AOX1: variants seen among roughly 807,000 people sequenced by gnomAD.
The protein encoded by AOX1 is aldehyde oxidase.
Under a neutral mutation model 169.5 loss-of-function variants are expected in AOX1, and 153 were observed. That is an observed-to-expected ratio of 0.90 (90% CI 0.79 to 1.03). The LOEUF (loss-of-function observed/expected upper bound fraction) is 1.03. Ranked by LOEUF, AOX1 falls within the 50% of genes least tolerant of loss-of-function variation. AOX1 has a pLI of 0.00. For synonymous variants in AOX1, 562 were observed against 581.9 expected (o/e 0.97, Z 0.49); for missense variants, 1,656 against 1,663.9 (o/e 1.00, Z 0.08).
In AOX1 at chr2:200,597,413, G is replaced by A; in HGVS notation, c.217G>A (p.Ala73Thr). Residue 73 changes from alanine to threonine, a missense_variant, in exon 4 of 35, where the codon GCC becomes ACC. Ala to Thr is a moderately conservative substitution (Grantham distance 58). Transcript: ENST00000374700. ...ATTCTGAAGGCATCACCCAGCCAATGCCTGTCTGATTCCCATCTGTTCTCT... is the reference window on the plus strand; with the variant it reads ...ATTCTGAAGGCATCACCCAGCCAATACCTGTCTGATTCCCATCTGTTCTCT... ...TKRIRHHPAN[A>T]CLIPICSLYG... The A allele has an allele frequency of 6.2e-7, 1 of 1,608,262 alleles. No individual in the cohort carries two copies. The highest frequency in any genetic ancestry group is 8.5e-7 in the Non-Finnish European group (1 of 1,177,296).
chr2:200,598,152 GGGAA>G (rs908771969), intron 4 of AOX1, among the ~76,000 whole-genome samples: 1 of 151,600 alleles, frequency 6.6e-6, no homozygotes, highest in African/African-American at 2.4e-5. Flanking sequence ...GAGGAAGGGA[GGGAA>G]GGAAGGAAGG....
At chr2:200,640,338 C>T (rs1042133213) in intron 23 of AOX1, among the ~76,000 whole-genome samples, 1 of 152,090 alleles carries the variant, frequency 6.6e-6, no homozygotes, top group Admixed American at 6.6e-5. Context: ...TAATTAAACA[C>T]AGATGCTTTG....
At chr2:200,612,841 C>G (rs747473764) in intron 14 of AOX1, 48 bp downstream of exon 14, 2 of 1,511,550 alleles carry the variant, frequency 1.3e-6, no homozygotes, top group Admixed American at 4.2e-5. Flanking sequence ...CCTTAGACTC[C>G]AAGTATTAGA....
At chr2:200,675,163 G>A (rs11683915), downstream of AOX1, among the ~76,000 whole-genome samples, 69,171 of 151,928 alleles carry the variant, frequency 0.46, 16,127 homozygotes, top group East Asian at 0.6. Context: ...CCTCCAGGAC[G>A]CAGGATGCTT....
chr2:200,595,535 T>G (rs1471672303), intron 3 of AOX1, among the ~76,000 whole-genome samples, 167 bp downstream of exon 3: 1 of 152,054 alleles, frequency 6.6e-6, no homozygotes, highest in East Asian at 1.9e-4. Context: ...ATGAATGTTT[T>G]GGGAAAAAAA....
chr2:200,627,333 T>C lies in AOX1; in HGVS notation c.2125-20T>C, dbSNP rs2105730578. The C allele has an allele frequency of 6.3e-7, 1 of 1,584,022 alleles. No homozygotes were observed. Among genetic ancestry groups the C allele is most frequent in the Non-Finnish European group, 8.7e-7 (1 of 1,153,470 alleles). On this transcript the variant is annotated intron_variant, in intron 19 of 34. Coordinates refer to ENST00000374700, the MANE Select transcript of AOX1 (RefSeq NM_001159.4). ...AGGGTCTCTTGCCCAAGCTGCCTCA[T>C]TCCTCTGTTCTCTTTCTAGGAAAGT...
chr2:200,600,281 A>G (rs2034382103), intron 5 of AOX1, among the ~76,000 whole-genome samples: 1 of 152,146 alleles, frequency 6.6e-6, no homozygotes, highest in South Asian at 2.1e-4. Context: ...TTATCTCCAC[A>G]TGCTGCTCCC....
Position 200,593,166 on chromosome 2 carries a change from T to C in AOX1, c.66T>C (p.Asp22=). The C allele has an allele frequency of 7.4e-6, 12 of 1,613,742 alleles. No individual in the cohort carries two copies. Among genetic ancestry groups the C allele is most frequent in the Non-Finnish European group, 1.0e-5 (12 of 1,179,816 alleles). ...NGRKVIEKNV[D]PETMLLPYLR... ...TATAGGTGATAGAAAAAAATGTCGATCCTGAAACAATGCTGTTGCCTTATT... is the reference window on the plus strand; with the variant it reads ...TATAGGTGATAGAAAAAAATGTCGACCCTGAAACAATGCTGTTGCCTTATT... The change falls in exon 2 of 35, where the codon GAT becomes GAC. Residue 22 remains aspartate, a synonymous_variant. Transcript: ENST00000374700.
intron 1 of AOX1, among the ~76,000 whole-genome samples, chr2:200,590,018 C>T (rs1216626426): frequency 6.6e-6 from 1 of 152,170 alleles, no homozygotes; most frequent in Non-Finnish European, 1.5e-5. Flanking sequence ...CCTGAGGCTT[C>T]TTTCTCTCCT....
chr2:200,621,896 G>A (rs891492457), intron 18 of AOX1, among the ~76,000 whole-genome samples: 1 of 152,086 alleles, frequency 6.6e-6, no homozygotes, highest in Non-Finnish European at 1.5e-5. Context: ...GGGATTACAG[G>A]CACAAATCAC....
intron 26 of AOX1, among the ~76,000 whole-genome samples, chr2:200,653,411 G>A (rs2035619871): frequency 6.6e-6 from 1 of 152,232 alleles, no homozygotes; most frequent in African/African-American, 2.4e-5. Flanking sequence ...CTCCATGGAA[G>A]GACCTGGGCT....
chr2:200,667,126 C>T (rs1278415985), intron 32 of AOX1, among the ~76,000 whole-genome samples: 1 of 152,162 alleles, frequency 6.6e-6, no homozygotes, highest in African/African-American at 2.4e-5. Flanking sequence ...GATAACAAGC[C>T]TCAAGTCATC....
intron 34 of AOX1, 47 bp downstream of exon 34, chr2:200,669,789 T>G (rs1419125677): frequency 4.4e-6 from 7 of 1,591,614 alleles, no homozygotes; most frequent in Non-Finnish European, 6.0e-6. Context: ...AAATTCTGAA[T>G]TTTTGGCCTC....
At chr2:200,661,045 C>G (rs1218888437) in intron 29 of AOX1, among the ~76,000 whole-genome samples, 1 of 152,102 alleles carries the variant, frequency 6.6e-6, no homozygotes, top group South Asian at 2.1e-4. Context: ...GGGACTTGGA[C>G]CTGACCCTGA....
At chr2:200,657,190 A>ATATATATATATATATATAT in intron 27 of AOX1, among the ~76,000 whole-genome samples, 13 of 62,880 alleles carry the variant, frequency 2.1e-4, no homozygotes, top group Non-Finnish European at 3.1e-4. Context: ...ATATATATAT[A>ATATATATATATATATATAT]TTTTTTTTTT....
chr2:200,644,095 T>C (rs1413727811), intron 25 of AOX1, among the ~76,000 whole-genome samples: 2 of 152,246 alleles, frequency 1.3e-5, no homozygotes, highest in Non-Finnish European at 2.9e-5. Flanking sequence ...ATCTTTGTTT[T>C]TATCGCATTT....
At chr2:200,620,320 T>A (rs1346680861) in intron 16 of AOX1, among the ~76,000 whole-genome samples, 1 of 151,012 alleles carries the variant, frequency 6.6e-6, no homozygotes, top group Non-Finnish European at 1.5e-5. Flanking sequence ...AGCCTCAGCC[T>A]CCCGAGTAGC....
At chr2:200,661,709 T>C (rs1047837831) in intron 30 of AOX1, 78 bp downstream of exon 30, 68 of 1,133,938 alleles carry the variant, frequency 6.0e-5, no homozygotes, top group Middle Eastern at 5.9e-4. Context: ...CCTTGCAATT[T>C]TGGCAAACGT....
At chr2:200,617,289 G>A (rs1287040351) in intron 16 of AOX1, among the ~76,000 whole-genome samples, 3 of 152,022 alleles carry the variant, frequency 2.0e-5, no homozygotes, top group Admixed American at 6.5e-5. Flanking sequence ...CTAGAGCAAC[G>A]TCAGCACTCA....
Sources: gnomAD v4.1 joint callset for allele counts (sites outside exome capture counted in the v4.1 genomes callset) on GRCh38, gnomAD v4.1.1 for gene constraint, MANE v1.5 for transcripts, NCBI Gene and HGNC (gene_info 2026-07-23, HGNC 2026-07-21) for gene names.